Variants in DLGAP2 observed in about 807,000 individuals in gnomAD.
DLGAP2 encodes the protein DLG associated protein 2.
DLGAP2 carries 26 observed loss-of-function variants against 100.3 expected under a neutral mutation model. The ratio of observed to expected loss-of-function variants is 0.26; its 90% CI spans 0.19 to 0.36. The LOEUF is 0.36. Among genes scored for constraint, DLGAP2 ranks in the 10% least tolerant of loss-of-function variants. DLGAP2 has a pLI of 1.00. For missense variants in DLGAP2, 1,858 were observed against 1,453.2 expected (o/e 1.28, Z -4.53); for synonymous variants, 886 against 630.1 (o/e 1.41, Z -6.08).
At chr8:1,555,886 C>A (rs3793416) in intron 5 of DLGAP2, among the ~76,000 whole-genome samples, 1 of 152,162 alleles carries the variant, frequency 6.6e-6, no homozygotes. Flanking sequence ...ATCTTTCTGC[C>A]TCTTCAATCC....
At chr8:786,747 C>G (rs761634253) in intron 1 of DLGAP2, among the ~76,000 whole-genome samples, 1 of 151,622 alleles carries the variant, frequency 6.6e-6, no homozygotes, top group Non-Finnish European at 1.5e-5. Flanking sequence ...CGAGTGATGC[C>G]TGCACCATTT....
In DLGAP2 at chr8:1,267,695, G is replaced by T. The variant is rs530460305; in HGVS notation, c.106+8812G>T. On this transcript the variant is annotated intron_variant, in intron 3 of 14. Transcript: ENST00000637795. ...ACCATTTCCGTGATGAGACGCCCACGTCCTCCGTGTCGCTGGCCCCCTCCG... is the reference window on the plus strand; with the variant it reads ...ACCATTTCCGTGATGAGACGCCCACTTCCTCCGTGTCGCTGGCCCCCTCCG... Among the ~76,000 whole-genome samples, 12 of 152,130 alleles carry T rather than the reference G, an allele frequency of 7.9e-5. 1 individual carries two copies. In the South Asian group the frequency reaches 2.1e-3, roughly 26 times the overall value.
intron 1 of DLGAP2, among the ~76,000 whole-genome samples, chr8:797,511 A>T (rs977474675): frequency 6.6e-6 from 1 of 152,072 alleles, no homozygotes; most frequent in Admixed American, 6.6e-5. Context: ...TGCTATGACT[A>T]TTTCTGTTGA....
intron 6 of DLGAP2, among the ~76,000 whole-genome samples, chr8:1,583,468 G>C (rs775401455): frequency 2.0e-5 from 3 of 152,214 alleles, no homozygotes; most frequent in Non-Finnish European, 4.4e-5. Context: ...GTGGCGGGTG[G>C]CTGTGCCTCC....
intron 2 of DLGAP2, among the ~76,000 whole-genome samples, chr8:1,187,898 G>A (rs1224071858): frequency 3.2e-5 from 4 of 123,182 alleles, no homozygotes; most frequent in Non-Finnish European, 4.7e-5. Flanking sequence ...TCACACGCCC[G>A]GGACCTCCGT....
At chr8:1,669,214 A>T (rs961909667) in intron 9 of DLGAP2, among the ~76,000 whole-genome samples, 4 of 152,208 alleles carry the variant, frequency 2.6e-5, no homozygotes, top group African/African-American at 9.6e-5. Context: ...CTGGGGTCAC[A>T]GATGTTGCAT....
At chr8:1,340,745 A>G (rs573497126) in intron 3 of DLGAP2, among the ~76,000 whole-genome samples, 3 of 152,240 alleles carry the variant, frequency 2.0e-5, no homozygotes, top group Non-Finnish European at 4.4e-5. Context: ...CCAAAGGAAT[A>G]GAAACCCTTC....
At chr8:1,429,321 A>G (rs1797338704) in intron 3 of DLGAP2, among the ~76,000 whole-genome samples, 1 of 152,080 alleles carries the variant, frequency 6.6e-6, no homozygotes, top group African/African-American at 2.4e-5. Flanking sequence ...TTACATAGGA[A>G]CTAAAAGTGC....
intron 2 of DLGAP2, among the ~76,000 whole-genome samples, chr8:1,070,965 G>C (rs1803409847): frequency 6.6e-6 from 1 of 152,190 alleles, no homozygotes; most frequent in Non-Finnish European, 1.5e-5. Flanking sequence ...GTGTTCCGAT[G>C]GCTGCTTTTC....
At chr8:921,530 C>T (rs956158238) in intron 2 of DLGAP2, among the ~76,000 whole-genome samples, 8 of 152,246 alleles carry the variant, frequency 5.3e-5, no homozygotes, top group Non-Finnish European at 8.8e-5. Flanking sequence ...CCATGCATCC[C>T]GGAACGGGAG....
chr8:1,520,525 C>G (rs1179298079), intron 4 of DLGAP2, among the ~76,000 whole-genome samples: 1 of 152,104 alleles, frequency 6.6e-6, no homozygotes, highest in East Asian at 1.9e-4. Context: ...GTGTGGACTC[C>G]CCACTGCCAC....
At chr8:1,432,030 C>T (rs1248765389) in intron 3 of DLGAP2, among the ~76,000 whole-genome samples, 1 of 150,232 alleles carries the variant, frequency 6.7e-6, no homozygotes, top group African/African-American at 2.5e-5. Context: ...ACCGCTACGG[C>T]TGCCATCCAT....
At chr8:1,315,234 G>A (rs1240437456) in intron 3 of DLGAP2, among the ~76,000 whole-genome samples, 2 of 151,984 alleles carry the variant, frequency 1.3e-5, no homozygotes, top group Non-Finnish European at 2.9e-5. Context: ...CAAGTACAGT[G>A]TCTCTCCAGC....
rs538673090 is a variant in DLGAP2 at position 1,116,234 on chromosome 8, G to C, written c.74-142617G>C. On this transcript the variant is annotated intron_variant, in intron 2 of 14. Coordinates refer to ENST00000637795, the MANE Select transcript of DLGAP2 (RefSeq NM_001346810.2). ...GGAGCAGGCCCTCCCCGTTCATCTG[G>C]GTCCTGACATGCTCTTGGGTTTTCT... Among the ~76,000 whole-genome samples, 5 of 152,270 alleles carry C rather than the reference G, an allele frequency of 3.3e-5. No individual in the cohort carries two copies. In the East Asian group the frequency reaches 9.7e-4, roughly 29 times the overall value.
At chr8:1,067,150 G>T (rs2129036444) in intron 2 of DLGAP2, among the ~76,000 whole-genome samples, 1 of 152,282 alleles carries the variant, frequency 6.6e-6, no homozygotes, top group South Asian at 2.1e-4. Context: ...ATTCTTCTGT[G>T]ACCAGGGCTG....
intron 2 of DLGAP2, among the ~76,000 whole-genome samples, chr8:1,162,339 G>C (rs192609903): frequency 2.8e-4 from 43 of 152,330 alleles, no homozygotes; most frequent in African/African-American, 9.9e-4. Context: ...AGCGTGAATT[G>C]AGCAGTGGCT....
At chr8:933,620 G>A (rs1386944875) in intron 2 of DLGAP2, among the ~76,000 whole-genome samples, 4 of 93,974 alleles carry the variant, frequency 4.3e-5, no homozygotes, top group East Asian at 3.1e-4. Flanking sequence ...AGAGCCTGCT[G>A]TGGAGACACC....
At chr8:1,660,736 C>G (rs1238310024) in intron 8 of DLGAP2, among the ~76,000 whole-genome samples, 3 of 152,124 alleles carry the variant, frequency 2.0e-5, no homozygotes, top group Non-Finnish European at 4.4e-5. Flanking sequence ...AATATCCTAC[C>G]AGGACACATA....
At chr8:740,673 ATTTTG>A (rs929945559) in intron 1 of DLGAP2, among the ~76,000 whole-genome samples, 6 of 152,112 alleles carry the variant, frequency 3.9e-5, no homozygotes, top group East Asian at 1.9e-4. Context: ...GGGTGAGAGG[ATTTTG>A]TTTTGTTTTA....
Sources: gnomAD v4.1 joint callset for allele counts (sites outside exome capture counted in the v4.1 genomes callset) on GRCh38, gnomAD v4.1.1 for gene constraint, MANE v1.5 for transcripts, NCBI Gene and HGNC (gene_info 2026-07-23, HGNC 2026-07-21) for gene names.